Variants in UGP2 observed in about 807,000 individuals in gnomAD.
UGP2 encodes UDP-glucose pyrophosphorylase 2, also known as UTP--glucose-1-phosphate uridylyltransferase.
In UGP2, 40 loss-of-function variants were observed where a neutral mutation model predicts 49.0. The observed-to-expected ratio is 0.82, with a 90% CI of 0.63 to 1.06. The LOEUF (loss-of-function observed/expected upper bound fraction) is 1.06, where lower values mean the gene tolerates loss of function less well. Ranked by LOEUF, UGP2 falls within the 50% of genes least tolerant of loss-of-function variation. The probability of loss-of-function intolerance (pLI) is 0.00; values close to 1 mark genes in which losing one functional copy is unlikely to be tolerated. For missense variants in UGP2, 460 were observed against 603.5 expected, an observed-to-expected ratio of 0.76 and a Z score of 2.49; for synonymous variants, 225 against 213.0, an observed-to-expected ratio of 1.06 and a Z score of -0.49.
rs1672162261 is a variant in UGP2, at chr2:63,891,532, G to GTGAT, written c.*307_*310dup. ...CAATGATGATCACTTTGAATTGCTT[G>GTGAT]TGATTTCAAAAATAAAGCAGTGAAG... On this transcript the variant is annotated 3_prime_UTR_variant, in exon 10 of 10. Coordinates refer to ENST00000337130, the MANE Select transcript of UGP2 (RefSeq NM_006759.4). 4.9e-6 allele frequency: 1 copy of GTGAT among 203,112 alleles called. No homozygotes were observed. The highest frequency in any genetic ancestry group is 9.9e-6 in the Non-Finnish European group (1 of 101,382). The allele number at this position is 203,112 out of a possible 1,614,324, so 12.6% of individuals were successfully genotyped here. A position where few individuals can be genotyped will look rare whatever the true frequency, so the allele number is the denominator to read the frequency against.
At chr2:63,846,280 G>A (rs1256354617) in intron 1 of UGP2, 2 of 152,138 alleles carry the variant, frequency 1.3e-5, no homozygotes, top group Non-Finnish European at 2.9e-5. Flanking sequence ...TGTCAGGTTT[G>A]TCAGTGGGTG....
At chr2:63,865,213 T>G (rs1670101336) in intron 3 of UGP2, among the ~76,000 whole-genome samples, 1 of 152,200 alleles carries the variant, frequency 6.6e-6, no homozygotes, top group Non-Finnish European at 1.5e-5. Context: ...ACTTAAAATT[T>G]GGACCATACA....
At chr2:63,867,080 A>T (rs979438822) in intron 3 of UGP2, among the ~76,000 whole-genome samples, 1 of 152,164 alleles carries the variant, frequency 6.6e-6, no homozygotes, top group Non-Finnish European at 1.5e-5. Context: ...GAATTTTTAT[A>T]GTTTTAAAAT....
chr2:63,884,170 G>A, intron 5 of UGP2, 77 bp downstream of exon 5: 2 of 1,532,646 alleles, frequency 1.3e-6, no homozygotes, highest in Non-Finnish European at 1.8e-6. Context: ...TAACAGAGCA[G>A]TTTCAAGATG....
chr2:63,871,768 T>C (rs948742589), intron 3 of UGP2, among the ~76,000 whole-genome samples: 2 of 152,176 alleles, frequency 1.3e-5, no homozygotes, highest in Admixed American at 6.5e-5. Context: ...CATATAGCCT[T>C]AGTTAGAGAG....
At chr2:63,887,770 G>GGT in intron 8 of UGP2, 126 bp downstream of exon 8, 2 of 1,257,124 alleles carry the variant, frequency 1.6e-6, no homozygotes, top group Non-Finnish European at 2.2e-6. Flanking sequence ...CTCTGTCTTT[G>GGT]ATACCTTTTA....
chr2:63,891,313 T>G lies in UGP2; in HGVS notation c.*86T>G. On this transcript the variant is annotated 3_prime_UTR_variant, in exon 10 of 10. Transcript: ENST00000337130. The stretch of plus-strand genomic sequence containing the variant: ...AGGATTCTAAAATAGGCAGGTACTT[T>G]ACTATGTTACTGTACCCTGCAGTGT... 1 of 1,125,108 alleles carries G rather than the reference T, an allele frequency of 8.9e-7. No homozygotes were observed. The highest frequency in any genetic ancestry group is 2.4e-5 in the East Asian group (1 of 41,096). 69.7% of individuals were successfully genotyped at this position (1,125,108 alleles called of 1,614,324 possible). A position where few individuals can be genotyped will look rare whatever the true frequency, so the allele number is the denominator to read the frequency against.
chr2:63,843,545 C>G (rs1383317757), intron 1 of UGP2, among the ~76,000 whole-genome samples: 1 of 152,198 alleles, frequency 6.6e-6, no homozygotes, highest in Non-Finnish European at 1.5e-5. Context: ...CCAAGGTGTT[C>G]CATGTAGAGT....
chr2:63,888,847 C>G (rs1168053590), intron 8 of UGP2: 2 of 152,190 alleles, frequency 1.3e-5, no homozygotes, highest in Admixed American at 6.5e-5. Context: ...ATCTGTGGAC[C>G]TGCTGTAAAA....
In UGP2 at chr2:63,885,828, A is replaced by G. The variant is rs766619363; in HGVS notation, c.815A>G (p.Asn272Ser). Residue 272 changes from asparagine (N) to serine (S), a missense_variant, in exon 6 of 10, where the codon AAT becomes AGT. Coordinates refer to ENST00000337130, the MANE Select transcript of UGP2 (RefSeq NM_006759.4). ...YILNHLMNPP[N>S]GKRCEFVMEV... is the part of the protein sequence containing the mutation. ...CTTAATCATCTAATGAACCCACCCA[A>G]TGGAAAACGCTGTGAATTTGTCATG... 13 of 1,604,714 alleles carry G rather than the reference A, an allele frequency of 8.1e-6. No individual in the cohort carries two copies. The highest frequency in any genetic ancestry group is 6.7e-5 in the African/African-American group (5 of 74,304).
Position 63,878,026 on chromosome 2 carries a change from AAAAG to A in UGP2, c.256-4437_256-4434del, listed in dbSNP as rs1187163215. 8.0e-4 allele frequency among the ~76,000 whole-genome samples: 109 copies of A among 136,844 alleles called. 1 individual carries two copies. The Middle Eastern group carries it at 0.012, about 15-fold the overall frequency. The allele number at this position is 136,844 out of a possible 152,430, so 89.8% of individuals were successfully genotyped here. ...AAAAAAAAAAAAAAAAAAAAAAAAAAAAAGAAGTCTGCATGCTTAGGACACATAA... is the reference window on the plus strand; with the variant it reads ...AAAAAAAAAAAAAAAAAAAAAAAAAAAAGTCTGCATGCTTAGGACACATAA... On this transcript the variant is annotated intron_variant, in intron 3 of 9. Transcript: ENST00000337130.
chr2:63,880,814 C>T (rs1671252324), intron 3 of UGP2, among the ~76,000 whole-genome samples: 1 of 152,180 alleles, frequency 6.6e-6, no homozygotes, highest in African/African-American at 2.4e-5. Context: ...TCGGTGTGGT[C>T]TGCGTTCTTT....
chr2:63,842,398 C>T (rs765983886), intron 1 of UGP2, 194 bp downstream of exon 1: 97 of 1,588,530 alleles, frequency 6.1e-5, no homozygotes, highest in Non-Finnish European at 8.2e-5. Flanking sequence ...ATTTATGCTC[C>T]TGTACCCTGC....
At chr2:63,886,058 CTA>C (rs1271658495) in intron 6 of UGP2, among the ~76,000 whole-genome samples, 172 bp downstream of exon 6, 10 of 152,252 alleles carry the variant, frequency 6.6e-5, no homozygotes, top group South Asian at 2.1e-4. Flanking sequence ...AAAATCATCT[CTA>C]TTTTTTTGGA....
chr2:63,845,715 T>C (rs1671883578), intron 1 of UGP2, among the ~76,000 whole-genome samples: 1 of 152,144 alleles, frequency 6.6e-6, no homozygotes, highest in Admixed American at 6.5e-5. Context: ...TCCCTTATGG[T>C]AGGCACTGAA....
At position 63,842,068 on chromosome 2, in the gene UGP2, AT is replaced by A; in HGVS notation, c.-117del. 1 of 1,273,314 alleles carries A rather than the reference AT, an allele frequency of 7.9e-7. No homozygotes were observed. Among genetic ancestry groups the A allele is most frequent in the Non-Finnish European group, 1.1e-6 (1 of 928,276 alleles). The allele number at this position is 1,273,314 out of a possible 1,614,324, so 78.9% of individuals were successfully genotyped here. Reference sequence around the variant, plus strand: ...TAAATACTCCCTTAAGTAGTTAAATATAGGAGGAGAAAGAATACATCGGTTG... The same window carrying A: ...TAAATACTCCCTTAAGTAGTTAAATAAGGAGGAGAAAGAATACATCGGTTG... On this transcript the variant is annotated 5_prime_UTR_variant, in exon 1 of 10. Transcript: ENST00000337130.
chr2:63,867,949 A>G (rs1670289212), intron 3 of UGP2, among the ~76,000 whole-genome samples: 2 of 152,360 alleles, frequency 1.3e-5, no homozygotes, highest in East Asian at 1.9e-4. Flanking sequence ...TGTCAGGTCA[A>G]TGAGAATAAA....
In UGP2 at chr2:63,857,889, G is replaced by A; in HGVS notation, c.208G>A (p.Gly70Arg). The A allele has an allele frequency of 1.5e-5, 24 of 1,614,092 alleles. No individual in the cohort carries two copies. Among genetic ancestry groups the A allele is most frequent in the Non-Finnish European group, 1.9e-5 (23 of 1,179,990 alleles). Residue 70 changes from glycine to arginine, a missense_variant, in exon 3 of 10, where the codon GGG becomes AGG. Physicochemically the swap from Gly to Arg is moderately radical, Grantham distance 125 (BLOSUM62 -2). This residue lies in a region of UGP2 where 143 missense variants were observed against 130.4 expected (regional missense o/e 1.10). Coordinates refer to ENST00000337130, the MANE Select transcript of UGP2 (RefSeq NM_006759.4). ...KLFHRFLQEK[G>R]PSVDWGKIQR... ...ATTTCATAGATTTTTGCAAGAAAAGGGGCCTTCTGTGGATTGGGGAAAAAT... is the reference window on the plus strand; with the variant it reads ...ATTTCATAGATTTTTGCAAGAAAAGAGGCCTTCTGTGGATTGGGGAAAAAT...
At chr2:63,865,197 C>T (rs6546035) in intron 3 of UGP2, among the ~76,000 whole-genome samples, 122,787 of 152,188 alleles carry the variant, frequency 0.81, 49,713 homozygotes, top group East Asian at 0.92. Context: ...TCACTCCCCT[C>T]AAAGAACTTA....
Sources: allele counts gnomAD v4.1 joint callset (sites outside exome capture counted in the v4.1 genomes callset), GRCh38; gene constraint gnomAD v4.1.1; regional missense constraint gnomAD v4.1.1; transcripts MANE v1.5; gene names NCBI Gene and HGNC (gene_info 2026-07-23, HGNC 2026-07-21).